KCNIP3: variants seen among roughly 807,000 people sequenced by gnomAD.
KCNIP3 encodes calsenilin.
Under a neutral mutation model 35.0 loss-of-function variants are expected in KCNIP3, and 28 were observed. The observed-to-expected ratio is 0.80, with a 90% CI of 0.59 to 1.10. The LOEUF is 1.10. Ranked by LOEUF, KCNIP3 falls within the 50% of genes least tolerant of loss-of-function variation. KCNIP3 has a pLI of 0.00. For synonymous variants in KCNIP3, 134 were observed against 133.8 expected (o/e 1.00, Z -0.01); for missense variants, 295 against 338.4 (o/e 0.87, Z 1.01).
chr2:95,342,791 A>G (rs1343569314), intron 2 of KCNIP3, among the ~76,000 whole-genome samples: 2 of 152,194 alleles, frequency 1.3e-5, no homozygotes, highest in African/African-American at 4.8e-5. Context: ...TCCCTGAGCC[A>G]ATCACTGTGG....
At chr2:95,374,141 C>G (rs1310237316) in intron 2 of KCNIP3, among the ~76,000 whole-genome samples, 155 bp from the exon 3 acceptor site, 3 of 152,234 alleles carry the variant, frequency 2.0e-5, no homozygotes, top group African/African-American at 4.8e-5. Flanking sequence ...AGTCACACCC[C>G]CTCTGTGCAG....
intron 1 of KCNIP3, among the ~76,000 whole-genome samples, chr2:95,299,931 G>A (rs1257440467): frequency 1.3e-5 from 2 of 152,208 alleles, no homozygotes; most frequent in East Asian, 1.9e-4. Context: ...GGACCCTCAC[G>A]CAGCCCACAA....
At chr2:95,369,572 C>T (rs1272268158) in intron 2 of KCNIP3, among the ~76,000 whole-genome samples, 1 of 151,734 alleles carries the variant, frequency 6.6e-6, no homozygotes, top group Non-Finnish European at 1.5e-5. Context: ...TACTTATTTC[C>T]CTTGTTTCCT....
At chr2:95,383,131 ACCCGCCCATCCACCC>A in intron 7 of KCNIP3, 86 bp from the exon 8 acceptor site, 1 of 295,836 alleles carries the variant, frequency 3.4e-6, no homozygotes, top group Non-Finnish European at 7.1e-6. Flanking sequence ...CCATCCACCC[ACCCGCCCATCCACCC>A]ACCCATGACT....
At chr2:95,341,909 T>C (rs1276837060) in intron 2 of KCNIP3, among the ~76,000 whole-genome samples, 3 of 152,142 alleles carry the variant, frequency 2.0e-5, no homozygotes, top group Non-Finnish European at 4.4e-5. Flanking sequence ...AGCAAATATC[T>C]ATGTTCCCAT....
intron 2 of KCNIP3, chr2:95,355,293 A>G (rs1055233840): frequency 9.2e-5 from 14 of 152,188 alleles, no homozygotes; most frequent in African/African-American, 3.1e-4. Context: ...GTGAGTGTGC[A>G]CAGAGCTTGT....
At chr2:95,303,255 C>G (rs1678083395) in intron 1 of KCNIP3, 1 of 152,366 alleles carries the variant, frequency 6.6e-6, no homozygotes, top group African/African-American at 2.4e-5. Flanking sequence ...GCTCCGTGGG[C>G]CACCTGGCCT....
chr2:95,384,171 C>CAA lies in KCNIP3; in HGVS notation c.*123_*124insAA, dbSNP rs796370106. 2.4e-6 allele frequency: 1 copy of CAA among 414,186 alleles called. No individual in the cohort carries two copies. Among genetic ancestry groups the CAA allele is most frequent in the African/African-American group, 2.5e-5 (1 of 40,660 alleles). 25.7% of individuals were successfully genotyped at this position (414,186 alleles called of 1,614,324 possible). On this transcript the variant is annotated 3_prime_UTR_variant, in exon 9 of 9. Transcript: ENST00000295225. ...TTTGCAAAAAGTGAACAGATTGCTA[C>CAA]ACACACACACACACACACACACACA...
At chr2:95,301,315 T>C (rs982119327) in intron 1 of KCNIP3, among the ~76,000 whole-genome samples, 3 of 152,222 alleles carry the variant, frequency 2.0e-5, no homozygotes, top group Non-Finnish European at 4.4e-5. Context: ...CAAATGTCCA[T>C]GGGTCTTGCG....
chr2:95,302,281 A>C (rs543964600), intron 1 of KCNIP3, among the ~76,000 whole-genome samples: 36 of 152,308 alleles, frequency 2.4e-4, no homozygotes, highest in South Asian at 8.3e-4. Context: ...GGGGGTGAGA[A>C]TCGGGGGACC....
At chr2:95,362,742 G>C (rs912062427) in intron 2 of KCNIP3, among the ~76,000 whole-genome samples, 2 of 151,984 alleles carry the variant, frequency 1.3e-5, no homozygotes, top group Admixed American at 6.6e-5. Flanking sequence ...TTGCTCACCT[G>C]CCGCCCACCT....
chr2:95,306,735 A>C (rs1678183146), intron 1 of KCNIP3, among the ~76,000 whole-genome samples: 1 of 152,112 alleles, frequency 6.6e-6, no homozygotes, highest in South Asian at 2.1e-4. Context: ...GGGGCATCTA[A>C]TTCATGTTCC....
chr2:95,308,209 CCT>C (rs1478763914), intron 1 of KCNIP3, among the ~76,000 whole-genome samples: 4 of 152,244 alleles, frequency 2.6e-5, no homozygotes, highest in African/African-American at 7.2e-5. Context: ...CAGCTCTCCC[CCT>C]GTTTCTGCTC....
Position 95,384,388 on chromosome 2 carries a change from C to T in KCNIP3, c.*339C>T, listed in dbSNP as rs537185556. The T allele has an allele frequency of 9.2e-5, 34 of 368,488 alleles. No individual in the cohort carries two copies. Among genetic ancestry groups the T allele is most frequent in the Non-Finnish European group, 1.4e-4 (28 of 199,520 alleles). The allele number at this position is 368,488 out of a possible 1,614,324, so 22.8% of individuals were successfully genotyped here. The stretch of plus-strand genomic sequence containing the variant: ...TGCTGGATGTCACCAAGAAGGGGCT[C>T]GAGTGCCCCTGCAGGGGAGGGTCCA... On this transcript the variant is annotated 3_prime_UTR_variant, in exon 9 of 9. Transcript: ENST00000295225.
intron 2 of KCNIP3, among the ~76,000 whole-genome samples, chr2:95,324,427 T>C (rs1257354160): frequency 6.6e-6 from 1 of 151,560 alleles, no homozygotes; most frequent in African/African-American, 2.4e-5. Context: ...GGCAGGAGAA[T>C]GGCGTGGGCC....
Position 95,297,471 on chromosome 2 carries a change from G to T in KCNIP3, c.15+18G>T. On this transcript the variant is annotated intron_variant, in intron 1 of 8. Transcript: ENST00000295225. Reference sequence around the variant, plus strand: ...CGGCTAAGGTAGGTGCTGGGGGAATGGGGTCTTGCTCTGGAGGGGGGTCGG... The same window carrying T: ...CGGCTAAGGTAGGTGCTGGGGGAATTGGGTCTTGCTCTGGAGGGGGGTCGG... 1 of 1,537,792 alleles carries T rather than the reference G, an allele frequency of 6.5e-7. No individual in the cohort carries two copies. Among genetic ancestry groups the T allele is most frequent in the African/African-American group, 1.4e-5 (1 of 71,632 alleles).
chr2:95,376,037 A>G lies in KCNIP3; in HGVS notation c.447+829A>G, dbSNP rs1183887230. 6.6e-6 allele frequency among the ~76,000 whole-genome samples: 1 copy of G among 152,164 alleles called. No individual in the cohort carries two copies. On this transcript the variant is annotated intron_variant, in intron 5 of 8. Transcript: ENST00000295225. The surrounding 1 kb of genome is among the most constrained non-coding windows in gnomAD (Gnocchi z 4.2). ...GCTGCGCGGGTTATTTTTATGCCGC[A>G]AGCCCGCCAGGCACACTGACGCTCC... is the stretch of plus-strand genomic sequence containing the variant.
chr2:95,308,502 G>A (rs760259245), intron 1 of KCNIP3, among the ~76,000 whole-genome samples: 14 of 152,300 alleles, frequency 9.2e-5, no homozygotes, highest in Non-Finnish European at 1.3e-4. Context: ...AATGTGGATA[G>A]GCCTCAGGGG....
intron 2 of KCNIP3, among the ~76,000 whole-genome samples, chr2:95,328,660 T>A (rs1678850600): frequency 6.6e-6 from 1 of 152,216 alleles, no homozygotes; most frequent in Non-Finnish European, 1.5e-5. Flanking sequence ...CCCTGTGTGC[T>A]GGGGAGGGGC....
Sources: gnomAD v4.1 joint callset for allele counts (sites outside exome capture counted in the v4.1 genomes callset) on GRCh38, gnomAD v4.1.1 for gene constraint, Gnocchi (gnomAD v3.1) non-coding constraint, MANE v1.5 for transcripts, NCBI Gene and HGNC (gene_info 2026-07-23, HGNC 2026-07-21) for gene names.